The following VPS16 variants were observed in gnomAD, a reference collection of about 807,000 sequenced individuals.
The protein encoded by VPS16 is VPS16 core subunit of CORVET and HOPS complexes, also known as vacuolar protein sorting-associated protein 16 homolog.
VPS16 carries 82 observed loss-of-function variants against 116.0 expected under a neutral mutation model. The observed-to-expected ratio is 0.71, with a 90% confidence interval of 0.59 to 0.85. The LOEUF (loss-of-function observed/expected upper bound fraction) is 0.85, where lower values mean the gene tolerates loss of function less well. Ranked by LOEUF, VPS16 falls within the 40% of genes least tolerant of loss-of-function variation. The pLI is 0.00. For missense variants in VPS16, 928 were observed against 1,090.6 expected, an observed-to-expected ratio of 0.85 and a Z score of 2.10; for synonymous variants, 406 against 420.7, an observed-to-expected ratio of 0.96 and a Z score of 0.43.
At chr20:2,841,421 C>T (rs946157378) in intron 1 of VPS16, among the ~76,000 whole-genome samples, 1 of 152,196 alleles carries the variant, frequency 6.6e-6, no homozygotes, top group Non-Finnish European at 1.5e-5. Flanking sequence ...TCTCGTGGAA[C>T]GTCTATCTGT....
chr20:2,856,449 C>T (rs775236749), intron 1 of VPS16, among the ~76,000 whole-genome samples: 8 of 152,118 alleles, frequency 5.3e-5, no homozygotes, highest in African/African-American at 9.7e-5. Flanking sequence ...GGAAAAATGA[C>T]GCTGATAGAT....
At chr20:2,845,709 A>C (rs955223891) in intron 1 of VPS16, among the ~76,000 whole-genome samples, 6 of 152,182 alleles carry the variant, frequency 3.9e-5, no homozygotes, top group African/African-American at 1.4e-4. Context: ...TTGTGCAACC[A>C]GTCTCCAGGA....
chr20:2,861,657 C>T lies in VPS16; in HGVS notation c.852C>T (p.Ala284=), dbSNP rs756273403. The part of the protein sequence containing the change: ...PRSKERAVVV[A]WERRLMVVGD... The stretch of plus-strand genomic sequence containing the variant: ...GCAAGGAGAGGGCCGTGGTGGTGGC[C>T]TGGGAAAGGCGGCTGATGGTGGTGG... The change falls in exon 9 of 24, where the codon GCC becomes GCT. Residue 284 remains alanine (A), a synonymous_variant. Transcript: ENST00000380445. The T allele has an allele frequency of 2.6e-5, 42 of 1,613,118 alleles. No individual in the cohort carries two copies. Among genetic ancestry groups the T allele is most frequent in the Non-Finnish European group, 3.6e-5 (42 of 1,179,908 alleles).
At position 2,842,692 on chromosome 20, in the gene VPS16, C is replaced by CTA. The variant is rs1404066605; in HGVS notation, c.53+1866_53+1867dup. Among the ~76,000 whole-genome samples, 51 of 118,508 alleles carry CTA rather than the reference C, an allele frequency of 4.3e-4. 3 individuals are homozygous for CTA. Among genetic ancestry groups the CTA allele is most frequent in the African/African-American group, 1.6e-3 (46 of 28,600 alleles). 77.7% of individuals were successfully genotyped at this position (118,508 alleles called of 152,430 possible). On this transcript the variant is annotated intron_variant, in intron 1 of 23. Transcript: ENST00000380445. ...TGTATCTATATATATATAGATACAT[C>CTA]TAGATGTATCTATATATAGATAGAC...
Position 2,861,857 on chromosome 20 carries a change from A to G in VPS16, c.952A>G (p.Ile318Val), listed in dbSNP as rs371974476. 8 of 1,613,800 alleles carry G rather than the reference A, an allele frequency of 5.0e-6. No homozygotes were observed. In the African/African-American group the frequency reaches 9.3e-5, roughly 19 times the overall value. Residue 318 changes from isoleucine (I) to valine (V), a missense_variant, in exon 10 of 24, where the codon ATC (isoleucine) becomes GTC (valine). Physicochemically the swap from Ile to Val is conservative, Grantham distance 29. Coordinates refer to ENST00000380445, the MANE Select transcript of VPS16 (RefSeq NM_022575.4). ...GGTGCCTGAGCTCGATGGGGTCCGC[A>G]TCTTCTCCCGCAGCACCCACGAGTT... ...YLVPELDGVR[I>V]FSRSTHEFLH... is the part of the protein sequence containing the mutation.
At chr20:2,848,213 A>T (rs2089081175) in intron 1 of VPS16, among the ~76,000 whole-genome samples, 1 of 152,062 alleles carries the variant, frequency 6.6e-6, no homozygotes, top group Non-Finnish European at 1.5e-5. Flanking sequence ...TTCACTCACC[A>T]CAAGGGCTCT....
rs2146685757 is a variant in VPS16, at chr20:2,865,946, G to A, written c.2272-266G>A. The A allele has an allele frequency of 1.9e-6, 1 of 522,440 alleles. No homozygotes were observed. The highest frequency in any genetic ancestry group is 2.2e-5 in the South Asian group (1 of 45,122). 32.4% of individuals were successfully genotyped at this position (522,440 alleles called of 1,614,324 possible). ...AGGGCTGGTGGCAGGAACGCCTGTTGCAAGGGGTAATGGTGGGTGGTAGAG... is the reference window on the plus strand; with the variant it reads ...AGGGCTGGTGGCAGGAACGCCTGTTACAAGGGGTAATGGTGGGTGGTAGAG... On this transcript the variant is annotated intron_variant, in intron 22 of 23. Transcript: ENST00000380445. The surrounding 1 kb of genome is among the most constrained non-coding windows in gnomAD (Gnocchi z 5.2).
rs1174976066 is a variant in VPS16, at chr20:2,840,808, G to A, written c.34G>A (p.Gly12Arg). 5.2e-6 allele frequency: 8 copies of A among 1,548,080 alleles called. No individual in the cohort carries two copies. Among genetic ancestry groups the A allele is most frequent in the Non-Finnish European group, 7.0e-6 (8 of 1,146,546 alleles). Reference protein sequence around the residue: ...DCYTANWNPLGDSAFYRKYEL... With the variant: ...DCYTANWNPLRDSAFYRKYEL... ...CTACACGGCGAACTGGAACCCACTC[G>A]GGGACTCTGCCTTTTACCGGTGAGC... Residue 12 changes from glycine to arginine, a missense_variant, in exon 1 of 24, where the codon GGG (glycine) becomes AGG (arginine). By Grantham distance (125) the Gly-to-Arg change is moderately radical (BLOSUM62 -2). Transcript: ENST00000380445.
Position 2,863,344 on chromosome 20 carries a change from C to G in VPS16, c.1422C>G (p.Arg474=). The G allele has an allele frequency of 6.2e-7, 1 of 1,614,214 alleles. No individual in the cohort carries two copies. The highest frequency in any genetic ancestry group is 8.5e-7 in the Non-Finnish European group (1 of 1,180,040). ...CCATCCAGATATGCGAGTACTTGCG[C>G]CTTCCTGAAGTACAGGGCGTCAGCA... ...PLAIQICEYL[R]LPEVQGVSRI... The change falls in exon 15 of 24, where the codon CGC becomes CGG. Residue 474 remains arginine, a synonymous_variant. Coordinates refer to ENST00000380445, the MANE Select transcript of VPS16 (RefSeq NM_022575.4). The surrounding 1 kb of genome is among the most constrained non-coding windows in gnomAD (Gnocchi z 4.4).
intron 1 of VPS16, among the ~76,000 whole-genome samples, chr20:2,848,904 T>C (rs114106273): frequency 9.8e-5 from 15 of 152,290 alleles, no homozygotes; most frequent in African/African-American, 3.6e-4. Context: ...TATAATCAAC[T>C]TGTAGGCTGG....
chr20:2,845,062 G>A (rs969175465), intron 1 of VPS16, among the ~76,000 whole-genome samples: 1 of 150,808 alleles, frequency 6.6e-6, no homozygotes, highest in African/African-American at 2.4e-5. Flanking sequence ...CCTTTTGTAG[G>A]CAATGCTGGG....
chr20:2,853,980 A>G (rs977663445), intron 1 of VPS16, among the ~76,000 whole-genome samples: 2 of 152,072 alleles, frequency 1.3e-5, no homozygotes, highest in Admixed American at 6.6e-5. Flanking sequence ...GCCATGAATC[A>G]TAAGTGTTCT....
chr20:2,860,900 G>C lies in VPS16; in HGVS notation c.630+37G>C. 1.2e-6 allele frequency: 2 copies of C among 1,614,086 alleles called. No individual in the cohort carries two copies. Among genetic ancestry groups the C allele is most frequent in the Non-Finnish European group, 1.7e-6 (2 of 1,180,032 alleles). Reference sequence around the variant, plus strand: ...GAGTGGGAATGAAGTGGACGGGCTGGGTTAGGCAATAGGGAGGTTCTGAAA... The same window carrying C: ...GAGTGGGAATGAAGTGGACGGGCTGCGTTAGGCAATAGGGAGGTTCTGAAA... On this transcript the variant is annotated intron_variant, in intron 6 of 23. Transcript: ENST00000380445. This position sits in a 1 kb window ranked among gnomAD's most constrained non-coding sequence, Gnocchi z 6.1.
At chr20:2,861,382 G>A in intron 8 of VPS16, 102 bp downstream of exon 8, 8 of 1,564,632 alleles carry the variant, frequency 5.1e-6, no homozygotes, top group Non-Finnish European at 6.1e-6. Context: ...CAAGCCTAGT[G>A]GAGTTTGGAT....
Position 2,862,811 on chromosome 20 carries a change from C to A in VPS16, c.1208C>A (p.Ala403Asp), listed in dbSNP as rs1490290256. 1 of 1,613,980 alleles carries A rather than the reference C, an allele frequency of 6.2e-7. No individual in the cohort carries two copies. Among genetic ancestry groups the A allele is most frequent in the Non-Finnish European group, 8.5e-7 (1 of 1,180,010 alleles). ...TCGCCCTCTGGCTCTTCTCAGGCCG[C>A]CTCCTTCGGAAAGTGTTTCCTGGAC... ...PDMQKSLLRAASFGKCFLDRF... is the reference protein window; with the variant it reads ...PDMQKSLLRADSFGKCFLDRF... Residue 403 changes from alanine to aspartate, a missense_variant, in exon 13 of 24, where the codon GCC becomes GAC. Physicochemically the swap from Ala to Asp is moderately radical, Grantham distance 126. Transcript: ENST00000380445.
chr20:2,853,695 C>G (rs996073161), intron 1 of VPS16, among the ~76,000 whole-genome samples: 3 of 151,726 alleles, frequency 2.0e-5, no homozygotes, highest in Non-Finnish European at 4.4e-5. Flanking sequence ...TTTTTTGGGA[C>G]GAAGTCTCAT....
At chr20:2,855,385 C>A (rs187739336) in intron 1 of VPS16, among the ~76,000 whole-genome samples, 1 of 151,952 alleles carries the variant, frequency 6.6e-6, no homozygotes, top group Non-Finnish European at 1.5e-5. Context: ...TTTGTTATCC[C>A]GTTTCTAGAG....
At chr20:2,846,616 C>G (rs1309147170) in intron 1 of VPS16, among the ~76,000 whole-genome samples, 2 of 152,122 alleles carry the variant, frequency 1.3e-5, no homozygotes, top group Non-Finnish European at 2.9e-5. Flanking sequence ...ACAGTGAACT[C>G]TCTTTAGGGC....
Position 2,862,565 on chromosome 20 carries a change from C to T in VPS16, c.1072-14C>T, listed in dbSNP as rs777131467. Reference sequence around the variant, plus strand: ...TCTGTCATGATGCCCTGGCTCTGGACTGCTCCCCACCAGAAAGAGAGCCAG... The same window carrying T: ...TCTGTCATGATGCCCTGGCTCTGGATTGCTCCCCACCAGAAAGAGAGCCAG... On this transcript the variant is annotated splice_polypyrimidine_tract_variant and intron_variant, in intron 11 of 23. Transcript: ENST00000380445. The T allele has an allele frequency of 6.8e-6, 11 of 1,611,510 alleles. No homozygotes were observed. Among genetic ancestry groups the T allele is most frequent in the Non-Finnish European group, 8.5e-6 (10 of 1,178,970 alleles).
Sources: allele counts gnomAD v4.1 joint callset (sites outside exome capture counted in the v4.1 genomes callset), GRCh38; gene constraint gnomAD v4.1.1; non-coding constraint Gnocchi (gnomAD v3.1); transcripts MANE v1.5; gene names NCBI Gene and HGNC (gene_info 2026-07-23, HGNC 2026-07-21).